SPTBN1: variants seen among roughly 807,000 people sequenced by gnomAD.
The protein encoded by SPTBN1 is spectrin beta chain, non-erythrocytic 1.
Under a neutral mutation model 266.4 loss-of-function variants are expected in SPTBN1, and 32 were observed. The observed-to-expected ratio is 0.12, with a 90% CI of 0.09 to 0.16. SPTBN1 has a LOEUF of 0.16. Among genes scored for constraint, SPTBN1 ranks in the 10% least tolerant of loss-of-function variants. SPTBN1 has a pLI of 1.00. For missense variants in SPTBN1, 2,296 were observed against 3,067.1 expected (o/e 0.75, Z 5.94); for synonymous variants, 1,336 against 1,162.2 (o/e 1.15, Z -3.04).
chr2:54,665,950 A>T lies in SPTBN1; in HGVS notation c.6695A>T (p.Gln2232Leu). 2 of 1,614,104 alleles carry T rather than the reference A, an allele frequency of 1.2e-6. No individual in the cohort carries two copies. Among genetic ancestry groups the T allele is most frequent in the South Asian group, 1.1e-5 (1 of 91,064 alleles). ...AATGTTTATTGTGTCATAAATAACC[A>T]AGAAATGGGTTTCTACAAAGATGCA... Reference protein sequence around the residue: ...WHNVYCVINNQEMGFYKDAKT... With the variant: ...WHNVYCVINNLEMGFYKDAKT... The change falls in exon 34 of 36, where the codon CAA becomes CTA. Residue 2232 changes from glutamine (Q) to leucine (L), a missense_variant. Around this residue, in one of 12 missense-constraint regions of SPTBN1, gnomAD observed 347 missense variants for 368.5 expected, o/e 0.94. Coordinates refer to ENST00000356805, the MANE Select transcript of SPTBN1 (RefSeq NM_003128.3).
intron 27 of SPTBN1, among the ~76,000 whole-genome samples, 160 bp downstream of exon 27, chr2:54,654,013 C>T (rs1680482842): frequency 6.6e-6 from 1 of 152,158 alleles, no homozygotes; most frequent in Non-Finnish European, 1.5e-5. Flanking sequence ...CACTGCTTGC[C>T]TCGTGCACTT....
intron 2 of SPTBN1, among the ~76,000 whole-genome samples, chr2:54,539,955 G>A (rs1671838779): frequency 2.6e-5 from 4 of 152,162 alleles, no homozygotes; most frequent in Admixed American, 2.6e-4. Flanking sequence ...GGTCTTTGGC[G>A]GGTAATTAGG....
rs1294079848 is a variant in SPTBN1 at position 54,631,136 on chromosome 2, C to T, written c.3089C>T (p.Ala1030Val). The change falls in exon 16 of 36, where the codon GCC (alanine) becomes GTC (valine). Residue 1030 changes from alanine (A) to valine (V), a missense_variant. Physicochemically the swap from Ala to Val is moderately conservative, Grantham distance 64. Transcript: ENST00000356805. The stretch of plus-strand genomic sequence containing the variant: ...CTGGAGTCCGAGCACCCCGACCAGG[C>T]CCAGGCCATCCTGTCTCGGCTGGCC... ...EKLESEHPDQ[A>V]QAILSRLAEI... The T allele has an allele frequency of 9.3e-6, 15 of 1,614,094 alleles. No homozygotes were observed. The highest frequency in any genetic ancestry group is 1.3e-5 in the Non-Finnish European group (15 of 1,180,048).
intron 19 of SPTBN1, among the ~76,000 whole-genome samples, 156 bp from the exon 20 acceptor site, chr2:54,644,167 T>C (rs990161034): frequency 6.6e-6 from 1 of 152,118 alleles, no homozygotes; most frequent in African/African-American, 2.4e-5. Context: ...TAGGGGTCGT[T>C]GTTGATTTTA....
chr2:54,629,169 A>G lies in SPTBN1; in HGVS notation c.2035A>G (p.Lys679Glu). The G allele has an allele frequency of 5.6e-6, 9 of 1,613,610 alleles. No homozygotes were observed. Among genetic ancestry groups the G allele is most frequent in the Non-Finnish European group, 7.6e-6 (9 of 1,179,918 alleles). Residue 679 changes from lysine (K) to glutamate (E), a missense_variant, in exon 14 of 36, where the codon AAG becomes GAG. Physicochemically the swap from Lys to Glu is moderately conservative, Grantham distance 56. Around this residue, in one of 12 missense-constraint regions of SPTBN1, gnomAD observed 434 missense variants for 573.9 expected, o/e 0.76. Coordinates refer to ENST00000356805, the MANE Select transcript of SPTBN1 (RefSeq NM_003128.3). ...DLTSVMRLLSKHRAFEDEMSG... is the reference protein window; with the variant it reads ...DLTSVMRLLSEHRAFEDEMSG... ...GACCAGCGTCATGCGCCTGCTCAGC[A>G]AGCACCGGGCGTTCGAGGACGAGAT...
chr2:54,516,022 G>A (rs868103277), intron 1 of SPTBN1: 1 of 152,150 alleles, frequency 6.6e-6, no homozygotes, highest in Admixed American at 6.5e-5. Flanking sequence ...TGGCCTAGGC[G>A]TAATTAGACT....
intron 1 of SPTBN1, among the ~76,000 whole-genome samples, chr2:54,480,667 C>G (rs534277483): frequency 5.3e-5 from 8 of 152,298 alleles, no homozygotes; most frequent in African/African-American, 1.9e-4. Context: ...GTTGTCTACC[C>G]TCCATTGGAA....
chr2:54,621,781 C>T (rs998906764), intron 8 of SPTBN1, among the ~76,000 whole-genome samples: 8 of 152,150 alleles, frequency 5.3e-5, no homozygotes, highest in African/African-American at 9.7e-5. Flanking sequence ...GAAATCTGAT[C>T]GAGTTGCCTA....
intron 2 of SPTBN1, among the ~76,000 whole-genome samples, chr2:54,571,547 A>G (rs1674070446): frequency 1.9e-5 from 1 of 53,912 alleles, no homozygotes; most frequent in Non-Finnish European, 4.6e-5. Flanking sequence ...AATTGTATGT[A>G]CACACACACA....
At chr2:54,577,424 C>T (rs1674566245) in intron 2 of SPTBN1, among the ~76,000 whole-genome samples, 1 of 152,146 alleles carries the variant, frequency 6.6e-6, no homozygotes, top group East Asian at 1.9e-4. Flanking sequence ...CTGTGGGAAA[C>T]CTAACAAGCT....
At chr2:54,607,020 A>G (rs1176022971) in intron 3 of SPTBN1, among the ~76,000 whole-genome samples, 1 of 152,256 alleles carries the variant, frequency 6.6e-6, no homozygotes, top group African/African-American at 2.4e-5. Context: ...CATTTCCCAC[A>G]TAACCGAATT....
At chr2:54,457,943 C>T (rs552687278) in intron 1 of SPTBN1, among the ~76,000 whole-genome samples, 2 of 152,350 alleles carry the variant, frequency 1.3e-5, no homozygotes, top group Admixed American at 1.3e-4. Context: ...GGAATCTGAT[C>T]TGCGACCAGG....
chr2:54,465,668 A>ATATATATATATATC (rs1553427354), intron 1 of SPTBN1, among the ~76,000 whole-genome samples: 5 of 137,954 alleles, frequency 3.6e-5, no homozygotes, highest in African/African-American at 7.8e-5. Flanking sequence ...ATATATATAT[A>ATATATATATATATC]TCTCACACAT....
At position 54,464,602 on chromosome 2, in the gene SPTBN1, AG is replaced by A. The variant is rs1457225887; in HGVS notation, c.-48+8085del. Among the ~76,000 whole-genome samples, 3 of 152,232 alleles carry A rather than the reference AG, an allele frequency of 2.0e-5. No homozygotes were observed. The East Asian group carries it at 5.8e-4, about 29-fold the overall frequency. On this transcript the variant is annotated intron_variant, in intron 1 of 35. Transcript: ENST00000356805. The stretch of plus-strand genomic sequence containing the variant: ...TTTGAGTTTTGAAATATTTCACGGT[AG>A]AGAAGAATGCAGTAAATAATATAAT...
chr2:54,456,936 A>G (rs917973674), intron 1 of SPTBN1, among the ~76,000 whole-genome samples: 1 of 139,518 alleles, frequency 7.2e-6, no homozygotes, highest in Non-Finnish European at 1.5e-5. Flanking sequence ...TGCGGAGCGG[A>G]CAGCGGACAG....
At chr2:54,655,700 G>A (rs1188891152) in intron 28 of SPTBN1, among the ~76,000 whole-genome samples, 1 of 152,222 alleles carries the variant, frequency 6.6e-6, no homozygotes, top group Non-Finnish European at 1.5e-5. Context: ...AGCTTTGGCA[G>A]GGCTTCCGCG....
rs1673021894 is a variant in SPTBN1, at chr2:54,558,358, T to C, written c.148+31792T>C. ...ACACGGCGAGTGGCTCCTGATAAAA[T>C]TACAAACCGGCGGCCGCCGCGGGCA... On this transcript the variant is annotated intron_variant, in intron 2 of 35. Transcript: ENST00000356805. This position sits in a 1 kb window ranked among gnomAD's most constrained non-coding sequence, Gnocchi z 4.6. 8.0e-6 allele frequency: 8 copies of C among 998,392 alleles called. No homozygotes were observed. Among genetic ancestry groups the C allele is most frequent in the Non-Finnish European group, 9.5e-6 (8 of 838,448 alleles). The allele number at this position is 998,392 out of a possible 1,614,324, so 61.8% of individuals were successfully genotyped here.
At chr2:54,489,999 C>G (rs1474679854) in intron 1 of SPTBN1, among the ~76,000 whole-genome samples, 1 of 152,028 alleles carries the variant, frequency 6.6e-6, no homozygotes, top group African/African-American at 2.4e-5. Flanking sequence ...ATTAACCATT[C>G]TTGCTGGTCT....
intron 1 of SPTBN1, among the ~76,000 whole-genome samples, chr2:54,492,341 G>GTTTTTTGTTT (rs1668730933): frequency 1.1e-5 from 1 of 88,390 alleles, no homozygotes; most frequent in African/African-American, 4.1e-5. Flanking sequence ...GTCTGCAGTT[G>GTTTTTTGTTT]TTTTTTTGTT....
Sources: allele counts gnomAD v4.1 joint callset (sites outside exome capture counted in the v4.1 genomes callset), GRCh38; gene constraint gnomAD v4.1.1; regional missense constraint gnomAD v4.1.1; non-coding constraint Gnocchi (gnomAD v3.1); transcripts MANE v1.5; gene names NCBI Gene and HGNC (gene_info 2026-07-23, HGNC 2026-07-21).